DCHS1: variants seen among roughly 807,000 people sequenced by gnomAD.
The protein encoded by DCHS1 is protocadherin-16.
DCHS1 carries 78 observed loss-of-function variants against 213.9 expected under a neutral mutation model. The ratio of observed to expected loss-of-function variants is 0.36; its 90% CI spans 0.30 to 0.44. DCHS1 has a LOEUF of 0.44. DCHS1 is among the 20% of genes least tolerant of loss of function. The probability of loss-of-function intolerance (pLI) is 1.00; values close to 1 mark genes in which losing one functional copy is unlikely to be tolerated. For missense variants in DCHS1, 3,946 were observed against 4,395.9 expected (o/e 0.90, Z 2.89); for synonymous variants, 1,828 against 1,873.7 (o/e 0.98, Z 0.63).
At position 6,622,623 on chromosome 11, in the gene DCHS1, G is replaced by T. The variant is rs1477885883; in HGVS notation, c.9053C>A (p.Pro3018His). Residue 3018 changes from proline to histidine, a missense_variant, in exon 21 of 21, where the codon CCC becomes CAC. Pro to His is a moderately conservative substitution (Grantham distance 77, BLOSUM62 -2). Around this residue, in one of 3 missense-constraint regions of DCHS1, gnomAD observed 554 missense variants for 590.2 expected, o/e 0.94. Coordinates refer to ENST00000299441, the MANE Select transcript of DCHS1 (RefSeq NM_003737.4). The surrounding 1 kb of genome is among the most constrained non-coding windows in gnomAD (Gnocchi z 5.4). Reference sequence around the variant, plus strand: ...GTCCAAGGAGCCACCACGGGGGTAGGGTCCTCCAGCTCCTGGCCCACCATA... The same window carrying T: ...GTCCAAGGAGCCACCACGGGGGTAGTGTCCTCCAGCTCCTGGCCCACCATA... ...PSYGGPGAGG[P>H]YPRGGSLDPS... The T allele has an allele frequency of 1.6e-5, 25 of 1,584,576 alleles. No individual in the cohort carries two copies. The highest frequency in any genetic ancestry group is 2.1e-5 in the Non-Finnish European group (25 of 1,165,896).
intron 1 of DCHS1, among the ~76,000 whole-genome samples, chr11:6,654,994 C>A (rs931939669): frequency 5.3e-5 from 8 of 152,006 alleles, no homozygotes; most frequent in African/African-American, 7.3e-5. Flanking sequence ...CTGGGTGACC[C>A]CCCCCTCCAT....
intron 1 of DCHS1, among the ~76,000 whole-genome samples, chr11:6,650,519 G>A (rs1856228307): frequency 6.6e-6 from 1 of 152,222 alleles, no homozygotes; most frequent in African/African-American, 2.4e-5. Flanking sequence ...AGAGAGTCCA[G>A]TCTTGCCTCT....
In DCHS1 at chr11:6,630,576, C is replaced by G. The variant is rs1022229302; in HGVS notation, c.4218G>C (p.Thr1406=). 7.8e-6 allele frequency: 12 copies of G among 1,541,198 alleles called. No homozygotes were observed. Among genetic ancestry groups the G allele is most frequent in the South Asian group, 1.2e-5 (1 of 84,488 alleles). The change falls in exon 10 of 21, where the codon ACG becomes ACC. Residue 1406 remains threonine, a synonymous_variant. Transcript: ENST00000299441. ...FEAGPPWRAL[T]VRAEGPGGAG... is the part of the protein sequence containing the mutation. The stretch of plus-strand genomic sequence containing the variant: ...CGCCTCCCGGCCCCTCAGCGCGTAC[C>G]GTAAGCGCGCGCCACGGCGGGCCAG...
intron 5 of DCHS1, 36 bp from the exon 6 acceptor site, chr11:6,633,092 G>C (rs565934657): frequency 1.3e-6 from 2 of 1,564,782 alleles, no homozygotes; most frequent in South Asian, 1.2e-5. Context: ...GAAAGAGATG[G>C]AGGGGCACTT....
chr11:6,653,121 A>G lies in DCHS1; in HGVS notation c.-121+2442T>C, dbSNP rs111605491. Among the ~76,000 whole-genome samples, 158 of 152,226 alleles carry G rather than the reference A, an allele frequency of 1.0e-3. 1 individual carries two copies. The highest frequency in any genetic ancestry group is 3.7e-3 in the African/African-American group (152 of 41,528). On this transcript the variant is annotated intron_variant, in intron 1 of 20. Transcript: ENST00000299441. ...CTTTCTGTGGCCTCCTAGACCCTGCATGGTCTAAGCCTCCATTTACCTCTC... is the reference window on the plus strand; with the variant it reads ...CTTTCTGTGGCCTCCTAGACCCTGCGTGGTCTAAGCCTCCATTTACCTCTC...
chr11:6,630,051 G>T lies in DCHS1; in HGVS notation c.4743C>A (p.Ser1581=). The T allele has an allele frequency of 6.4e-7, 1 of 1,562,008 alleles. No homozygotes were observed. The highest frequency in any genetic ancestry group is 8.7e-7 in the Non-Finnish European group (1 of 1,150,898). ...CGTCCCCGCCAGATGCCAGCCGATA[G>T]GACACGCGTGCAGCCTCGCCCAGAT... The part of the protein sequence containing the change: ...DPDLGEAARV[S]YRLASGGDGH... The change falls in exon 10 of 21, where the codon TCC becomes TCA. Residue 1581 remains serine, a synonymous_variant. Coordinates refer to ENST00000299441, the MANE Select transcript of DCHS1 (RefSeq NM_003737.4).
intron 1 of DCHS1, among the ~76,000 whole-genome samples, chr11:6,645,088 A>T (rs1856137051): frequency 6.6e-6 from 1 of 152,236 alleles, no homozygotes; most frequent in Non-Finnish European, 1.5e-5. Context: ...TTTTGTGAAA[A>T]TTAGAAACAA....
Position 6,623,875 on chromosome 11 carries a change from C to A in DCHS1, c.7801G>T (p.Val2601Phe), listed in dbSNP as rs137963411. 20 of 1,610,824 alleles carry A rather than the reference C, an allele frequency of 1.2e-5. No homozygotes were observed. The highest frequency in any genetic ancestry group is 1.6e-5 in the Non-Finnish European group (19 of 1,177,636). Residue 2601 changes from valine (V) to phenylalanine (F), a missense_variant, in exon 21 of 21, where the codon GTC (valine) becomes TTC (phenylalanine). Val to Phe is a conservative substitution (Grantham distance 50). Transcript: ENST00000299441. ...ACACGGTAGGATGCTCGGGTAAAGA[C>A]AGGTGGGTTGTCATTGACATCTAGT... Reference protein sequence around the residue: ...TVLDVNDNPPVFTRASYRVTV... With the variant: ...TVLDVNDNPPFFTRASYRVTV...
rs1463729555 is a variant in DCHS1, at chr11:6,630,110, G to A, written c.4684C>T (p.Pro1562Ser). The A allele has an allele frequency of 6.2e-7, 1 of 1,603,998 alleles. No homozygotes were observed. Among genetic ancestry groups the A allele is most frequent in the Non-Finnish European group, 8.5e-7 (1 of 1,174,134 alleles). ...VRLPEDQPPG[P>S]AALHVVARDP... ...CGGGCTACCACGTGCAGGGCCGCGG[G>A]CCCAGGCGGCTGGTCCTCTGGGAGG... The change falls in exon 10 of 21, where the codon CCC becomes TCC. Residue 1562 changes from proline to serine, a missense_variant. By Grantham distance (74) the Pro-to-Ser change is moderately conservative. Transcript: ENST00000299441.
chr11:6,627,915 C>T lies in DCHS1; in HGVS notation c.5372-248G>A, dbSNP rs1268924881. Among the ~76,000 whole-genome samples, 1 of 152,242 alleles carries T rather than the reference C, an allele frequency of 6.6e-6. No individual in the cohort carries two copies. The highest frequency in any genetic ancestry group is 1.5e-5 in the Non-Finnish European group (1 of 68,050). ...ATAAGATCAAAATTATTTCATAGCACTACTAAGCCATTATATGGCCTTTTT... is the reference window on the plus strand; with the variant it reads ...ATAAGATCAAAATTATTTCATAGCATTACTAAGCCATTATATGGCCTTTTT... On this transcript the variant is annotated intron_variant, in intron 13 of 20. Transcript: ENST00000299441. This position sits in a 1 kb window ranked among gnomAD's most constrained non-coding sequence, Gnocchi z 5.4.
At chr11:6,648,110 GAAGATATTC>G (rs764838382) in intron 1 of DCHS1, among the ~76,000 whole-genome samples, 11 of 152,348 alleles carry the variant, frequency 7.2e-5, no homozygotes, top group Non-Finnish European at 1.6e-4. Context: ...ATCCCCATGT[GAAGATATTC>G]AAGCACAGCT....
In DCHS1 at chr11:6,625,650, G is replaced by A; in HGVS notation, c.6809C>T (p.Thr2270Ile). The A allele has an allele frequency of 6.2e-7, 1 of 1,613,508 alleles. No individual in the cohort carries two copies. Among genetic ancestry groups the A allele is most frequent in the East Asian group, 2.2e-5 (1 of 44,872 alleles). ...GGGGATGGTGGGGCGATTGTCATTGGTGTCGATGACCATCACCGTCAAGGT... is the reference window on the plus strand; with the variant it reads ...GGGGATGGTGGGGCGATTGTCATTGATGTCGATGACCATCACCGTCAAGGT... The part of the protein sequence containing the change: ...SATLTVMVID[T>I]NDNRPTIPQP... Residue 2270 changes from threonine to isoleucine, a missense_variant, in exon 18 of 21, where the codon ACC becomes ATC. By Grantham distance (89) the Thr-to-Ile change is moderately conservative. This residue lies in a region of DCHS1 where 3,384 missense variants were observed against 3,780.1 expected (regional missense o/e 0.90). Coordinates refer to ENST00000299441, the MANE Select transcript of DCHS1 (RefSeq NM_003737.4). The surrounding 1 kb of genome is among the most constrained non-coding windows in gnomAD (Gnocchi z 5.3).
chr11:6,654,839 T>C (rs933301407), intron 1 of DCHS1, among the ~76,000 whole-genome samples: 2 of 152,124 alleles, frequency 1.3e-5, no homozygotes, highest in South Asian at 2.1e-4. Context: ...ACTGAGTTCA[T>C]TGTGCTTCTA....
chr11:6,624,427 C>T, intron 20 of DCHS1, 37 bp from the exon 21 acceptor site: 1 of 1,510,408 alleles, frequency 6.6e-7, no homozygotes, highest in Non-Finnish European at 8.9e-7. Context: ...ATATATTCAG[C>T]AAAGGCTGTG....
chr11:6,653,751 G>A (rs72911066), intron 1 of DCHS1, among the ~76,000 whole-genome samples: 9,901 of 152,232 alleles, frequency 0.065, 399 homozygotes, highest in South Asian at 0.11. Context: ...AGTGGCCAAG[G>A]AGTGGTTGAA....
intron 2 of DCHS1, 147 bp downstream of exon 2, chr11:6,639,670 G>T: frequency 1.4e-6 from 1 of 690,012 alleles, no homozygotes; most frequent in Non-Finnish European, 2.4e-6. Flanking sequence ...CCTCTGCACA[G>T]ATTTTGGAGC....
Position 6,628,883 on chromosome 11 carries a change from A to T in DCHS1, c.5162-53T>A. On this transcript the variant is annotated intron_variant, in intron 12 of 20. Coordinates refer to ENST00000299441, the MANE Select transcript of DCHS1 (RefSeq NM_003737.4). The surrounding 1 kb of genome is among the most constrained non-coding windows in gnomAD (Gnocchi z 4.3). ...TAGTCTGCCCTCACCACATGGAGAA[A>T]TCCACACCACACAGTGTTCATACAT... 2 of 1,554,908 alleles carry T rather than the reference A, an allele frequency of 1.3e-6. No homozygotes were observed. The highest frequency in any genetic ancestry group is 3.3e-4 in the Middle Eastern group (2 of 5,988).
At position 6,625,057 on chromosome 11, in the gene DCHS1, T is replaced by G; in HGVS notation, c.7146+141A>C. ...CTGGGTACAGGATGCAAAACCAGGA[T>G]GTAGTTCACAGGACTTGGGACCTTC... On this transcript the variant is annotated intron_variant, in intron 19 of 20. Transcript: ENST00000299441. The surrounding 1 kb of genome is among the most constrained non-coding windows in gnomAD (Gnocchi z 5.3). The G allele has an allele frequency of 7.2e-7, 1 of 1,379,396 alleles. No homozygotes were observed. The highest frequency in any genetic ancestry group is 9.8e-7 in the Non-Finnish European group (1 of 1,017,046). 85.4% of individuals were successfully genotyped at this position (1,379,396 alleles called of 1,614,324 possible). A position where few individuals can be genotyped will look rare whatever the true frequency, so the allele number is the denominator to read the frequency against.
chr11:6,644,864 CTT>C (rs1856133757), intron 1 of DCHS1, among the ~76,000 whole-genome samples: 1 of 152,228 alleles, frequency 6.6e-6, no homozygotes, highest in Non-Finnish European at 1.5e-5. Context: ...GTTCTCAGGT[CTT>C]TACAGATTTG....
Sources: gnomAD v4.1 joint callset for allele counts (sites outside exome capture counted in the v4.1 genomes callset) on GRCh38, gnomAD v4.1.1 for gene constraint, gnomAD v4.1.1 regional missense constraint, Gnocchi (gnomAD v3.1) non-coding constraint, MANE v1.5 for transcripts, NCBI Gene and HGNC (gene_info 2026-07-23, HGNC 2026-07-21) for gene names.